Variants in CNGB3 observed in about 807,000 individuals in gnomAD.
CNGB3 encodes the protein cyclic nucleotide-gated channel beta-3.
CNGB3 carries 86 observed loss-of-function variants against 92.8 expected under a neutral mutation model. That is an observed-to-expected ratio of 0.93 (90% CI 0.78 to 1.11). The LOEUF is 1.11. CNGB3 is among the 50% of genes least tolerant of loss of function. The probability of loss-of-function intolerance (pLI) is 0.00; values close to 1 mark genes in which losing one functional copy is unlikely to be tolerated. For missense variants in CNGB3, 1,026 were observed against 956.8 expected (o/e 1.07, Z -0.95); for synonymous variants, 333 against 332.7 (o/e 1.00, Z -0.01).
chr8:86,735,042 G>GGT lies in CNGB3; in HGVS notation c.211+4612_211+4613insAC, dbSNP rs1554618958. On this transcript the variant is annotated intron_variant, in intron 2 of 17. Coordinates refer to ENST00000320005, the MANE Select transcript of CNGB3 (RefSeq NM_019098.5). ...CATGTCAAATTCTCAAATGCCGGTG[G>GGT]TTTTTTTTTTTTTTTTTTTTTTTTT... is the stretch of plus-strand genomic sequence containing the variant. Among the ~76,000 whole-genome samples, 532 of 85,880 alleles carry GGT rather than the reference G, an allele frequency of 6.2e-3. 78 individuals carry two copies. Among genetic ancestry groups the GGT allele is most frequent in the African/African-American group, 0.023 (465 of 20,558 alleles). 56.3% of individuals were successfully genotyped at this position (85,880 alleles called of 152,430 possible).
chr8:86,710,671 C>T (rs1824733596), intron 3 of CNGB3, among the ~76,000 whole-genome samples: 1 of 152,076 alleles, frequency 6.6e-6, no homozygotes, highest in African/African-American at 2.4e-5. Context: ...ATTCTATTAC[C>T]ACGGAAGACT....
chr8:86,735,708 T>A (rs1245776512), intron 2 of CNGB3, among the ~76,000 whole-genome samples: 1 of 152,180 alleles, frequency 6.6e-6, no homozygotes, highest in Admixed American at 6.5e-5. Context: ...GACCCCTTGA[T>A]TACATTGGGG....
At chr8:86,594,303 G>A in intron 15 of CNGB3, 1 of 298,614 alleles carries the variant, frequency 3.3e-6, no homozygotes, top group South Asian at 3.2e-5. Context: ...TGGAAGGAGT[G>A]GGAGAAGTCT....
intron 3 of CNGB3, among the ~76,000 whole-genome samples, chr8:86,726,248 T>G (rs562619944): frequency 1.1e-4 from 16 of 152,348 alleles, no homozygotes; most frequent in African/African-American, 3.6e-4. Flanking sequence ...GTTTCCATAA[T>G]GATACAATGA....
rs778891741 is a variant in CNGB3 at position 86,743,555 on chromosome 8, G to C, written c.73C>G (p.Arg25Gly). ...GENNENEQSS[R>G]RNEEGSHPSN... ...GGGTGAGAGCCTTCTTCATTCCGAC[G>C]AGAACTTTGTTCATTCTCATTGTTC... The change falls in exon 1 of 18, where the codon CGT becomes GGT. Residue 25 changes from arginine (R) to glycine (G), a missense_variant. By Grantham distance (125) the Arg-to-Gly change is moderately radical. Coordinates refer to ENST00000320005, the MANE Select transcript of CNGB3 (RefSeq NM_019098.5). 2 of 1,613,966 alleles carry C rather than the reference G, an allele frequency of 1.2e-6. No homozygotes were observed. The highest frequency in any genetic ancestry group is 8.5e-7 in the Non-Finnish European group (1 of 1,179,882).
At chr8:86,733,418 G>A (rs1347229292) in intron 2 of CNGB3, among the ~76,000 whole-genome samples, 2 of 152,200 alleles carry the variant, frequency 1.3e-5, no homozygotes, top group African/African-American at 4.8e-5. Flanking sequence ...GAATGCATGT[G>A]TCTTTTGGGT....
chr8:86,629,189 A>G lies in CNGB3; in HGVS notation c.1321-111T>C. On this transcript the variant is annotated intron_variant, in intron 11 of 17. Transcript: ENST00000320005. ...TTCCTTCTAATGCCCTGATTACTTG[A>G]TTTTATTCATTCATTCATTTTTATT... 6 of 1,210,476 alleles carry G rather than the reference A, an allele frequency of 5.0e-6. No individual in the cohort carries two copies. The South Asian group carries it at 7.3e-5, about 15-fold the overall frequency. 75.0% of individuals were successfully genotyped at this position (1,210,476 alleles called of 1,614,324 possible). A position where few individuals can be genotyped will look rare whatever the true frequency, so the allele number is the denominator to read the frequency against.
rs1350563417 is a variant in CNGB3, at chr8:86,714,820, C to G, written c.338+11711G>C. Reference sequence around the variant, plus strand: ...TGGTAGGGCACTGTGGGAGTGAGACCAGCCCTTAGGACTGCATGCTACGTG... The same window carrying G: ...TGGTAGGGCACTGTGGGAGTGAGACGAGCCCTTAGGACTGCATGCTACGTG... On this transcript the variant is annotated intron_variant, in intron 3 of 17. Transcript: ENST00000320005. Among the ~76,000 whole-genome samples, 8 of 152,112 alleles carry G rather than the reference C, an allele frequency of 5.3e-5. 1 individual carries two copies. Among genetic ancestry groups the G allele is most frequent in the Non-Finnish European group, 5.9e-5 (4 of 68,020 alleles).
chr8:86,661,413 A>C, intron 6 of CNGB3: 1 of 457,358 alleles, frequency 2.2e-6, no homozygotes. Flanking sequence ...GGACAAAAAA[A>C]TTCCAGCAGA....
At chr8:86,664,065 C>T (rs749265150) in intron 6 of CNGB3, among the ~76,000 whole-genome samples, 1 of 152,138 alleles carries the variant, frequency 6.6e-6, no homozygotes, top group Non-Finnish European at 1.5e-5. Flanking sequence ...ATTTGTACAC[C>T]GTCATCACCA....
At chr8:86,580,291 G>A (rs1371458502) in intron 15 of CNGB3, among the ~76,000 whole-genome samples, 2 of 152,186 alleles carry the variant, frequency 1.3e-5, no homozygotes, top group Non-Finnish European at 1.5e-5. Flanking sequence ...GATTTGGGTG[G>A]GGACACAAAG....
At chr8:86,658,014 C>T (rs1563743615) in intron 6 of CNGB3, 1 of 546,852 alleles carries the variant, frequency 1.8e-6, no homozygotes, top group Non-Finnish European at 3.6e-6. Flanking sequence ...CCATCTGCTC[C>T]TTCAGGTCCA....
chr8:86,672,765 T>C (rs1823884994), intron 3 of CNGB3, among the ~76,000 whole-genome samples: 1 of 152,232 alleles, frequency 6.6e-6, no homozygotes, highest in Non-Finnish European at 1.5e-5. Flanking sequence ...GTTCCCAGAC[T>C]ACCCATGTTT....
intron 3 of CNGB3, among the ~76,000 whole-genome samples, chr8:86,706,275 C>T (rs1314398798): frequency 6.6e-6 from 1 of 152,130 alleles, no homozygotes; most frequent in Non-Finnish European, 1.5e-5. Context: ...CCTCTCTTCC[C>T]CTTAGATTAA....
intron 3 of CNGB3, among the ~76,000 whole-genome samples, chr8:86,704,879 T>G (rs1284941050): frequency 6.6e-6 from 1 of 152,182 alleles, no homozygotes; most frequent in African/African-American, 2.4e-5. Context: ...TACCGTCTAT[T>G]TTTTTCTTTT....
chr8:86,714,675 C>T (rs1184901043), intron 3 of CNGB3, among the ~76,000 whole-genome samples: 1 of 151,234 alleles, frequency 6.6e-6, no homozygotes, highest in Non-Finnish European at 1.5e-5. Flanking sequence ...TAGATCACTG[C>T]TGCAGGCTCC....
intron 2 of CNGB3, among the ~76,000 whole-genome samples, chr8:86,738,530 A>C (rs1825284417): frequency 1.3e-5 from 2 of 152,174 alleles, no homozygotes; most frequent in African/African-American, 4.8e-5. Flanking sequence ...CCAGGATGGT[A>C]TTGCTGAGAT....
intron 8 of CNGB3, among the ~76,000 whole-genome samples, chr8:86,646,949 C>T (rs944123702): frequency 6.6e-6 from 1 of 151,118 alleles, no homozygotes; most frequent in East Asian, 1.9e-4. Context: ...ACTCTTGCCC[C>T]TATCCGTCCT....
In CNGB3 at chr8:86,578,689, C is replaced by T; in HGVS notation, c.2103G>A (p.Gln701=). 6.2e-7 allele frequency: 1 copy of T among 1,613,866 alleles called. No individual in the cohort carries two copies. Among genetic ancestry groups the T allele is most frequent in the Non-Finnish European group, 8.5e-7 (1 of 1,180,004 alleles). ...CCGTCCATTCACTCCACCTTATTAC[C>T]TGAGCTGCTTGCTCTCGCTTCAATT... is the stretch of plus-strand genomic sequence containing the variant. ...LLKLKREQAA[Q]KKENSEGGEE... is the part of the protein sequence containing the mutation. The change falls in exon 17 of 18, where the codon CAG becomes CAA. Residue 701 remains glutamine, a splice_region_variant and synonymous_variant. Transcript: ENST00000320005.
Sources: allele counts gnomAD v4.1 joint callset (sites outside exome capture counted in the v4.1 genomes callset), GRCh38; gene constraint gnomAD v4.1.1; transcripts MANE v1.5; gene names NCBI Gene and HGNC (gene_info 2026-07-23, HGNC 2026-07-21).